Variants in SPATA13 observed in about 807,000 individuals in gnomAD.
The protein encoded by SPATA13 is spermatogenesis-associated protein 13.
SPATA13 carries 50 observed loss-of-function variants against 104.0 expected under a neutral mutation model. The observed-to-expected ratio is 0.48, with a 90% CI of 0.38 to 0.61. The LOEUF (loss-of-function observed/expected upper bound fraction) is 0.61. Ranked by LOEUF, SPATA13 falls within the 20% of genes least tolerant of loss-of-function variation. The pLI is 0.00. For synonymous variants in SPATA13, 606 were observed against 667.5 expected, an observed-to-expected ratio of 0.91 and a Z score of 1.42; for missense variants, 1,524 against 1,690.6, an observed-to-expected ratio of 0.90 and a Z score of 1.73.
chr13:24,080,876 T>C (rs2137777458), intron 3 of SPATA13, among the ~76,000 whole-genome samples: 1 of 152,346 alleles, frequency 6.6e-6, no homozygotes, highest in South Asian at 2.1e-4. Context: ...GGCAACTCTC[T>C]TGACATTTGG....
Position 24,222,920 on chromosome 13 carries a change from G to A in SPATA13, c.-10G>A. The stretch of plus-strand genomic sequence containing the variant: ...AGCTGCGGTCTGCGGACTCGGCAGT[G>A]CCCGTGGCCATGACCCAGGCTGCCG... On this transcript the variant is annotated 5_prime_UTR_variant, in exon 2 of 13. Coordinates refer to ENST00000382108, the MANE Select transcript of SPATA13 (RefSeq NM_001166271.3). The A allele has an allele frequency of 6.4e-7, 1 of 1,550,772 alleles. No individual in the cohort carries two copies. The highest frequency in any genetic ancestry group is 8.7e-7 in the Non-Finnish European group (1 of 1,146,510).
At chr13:24,024,931 T>A (rs1877139198) in intron 3 of SPATA13, among the ~76,000 whole-genome samples, 1 of 147,672 alleles carries the variant, frequency 6.8e-6, no homozygotes, top group Non-Finnish European at 1.5e-5. Context: ...AACATTCAAA[T>A]TCATATATAT....
chr13:24,000,822 C>T (rs1191674970), intron 2 of SPATA13, among the ~76,000 whole-genome samples: 3 of 151,776 alleles, frequency 2.0e-5, no homozygotes, highest in Non-Finnish European at 4.4e-5. Context: ...TCGGGAGAAC[C>T]CTGGGTGAGA....
rs563637107 is a variant in SPATA13, at chr13:24,268,726, T to G, written c.2165-15409T>G. 1.8e-4 allele frequency among the ~76,000 whole-genome samples: 28 copies of G among 152,304 alleles called. No homozygotes were observed. In the East Asian group the frequency reaches 4.0e-3, roughly 22 times the overall value. On this transcript the variant is annotated intron_variant, in intron 4 of 12. Transcript: ENST00000382108. Reference sequence around the variant, plus strand: ...GTGAGCCAAGATCGTGCCACTGCACTCCAGCCTGAGTGACAGAGCAAGACT... The same window carrying G: ...GTGAGCCAAGATCGTGCCACTGCACGCCAGCCTGAGTGACAGAGCAAGACT...
At chr13:24,135,975 TCTC>T (rs1489137082) in intron 3 of SPATA13, among the ~76,000 whole-genome samples, 3 of 152,174 alleles carry the variant, frequency 2.0e-5, no homozygotes, top group Non-Finnish European at 2.9e-5. Context: ...AATCTTTTGA[TCTC>T]CTGGAAACAA....
At chr13:24,054,517 T>G (rs1878469866) in intron 3 of SPATA13, among the ~76,000 whole-genome samples, 1 of 152,148 alleles carries the variant, frequency 6.6e-6, no homozygotes, top group South Asian at 2.1e-4. Flanking sequence ...AGCTTAGCTG[T>G]CTAATGTGCA....
chr13:24,138,020 G>A (rs995268089), intron 3 of SPATA13, among the ~76,000 whole-genome samples: 1 of 152,048 alleles, frequency 6.6e-6, no homozygotes, highest in Non-Finnish European at 1.5e-5. Flanking sequence ...GTTTTACTGG[G>A]CCAGGCGTAG....
chr13:24,179,003 A>G, intron 1 of SPATA13, among the ~76,000 whole-genome samples: 1 of 152,184 alleles, frequency 6.6e-6, no homozygotes, highest in Non-Finnish European at 1.5e-5. Flanking sequence ...TGACTATTCT[A>G]GACATTTCAA....
At chr13:24,277,178 C>A (rs550768755) in intron 4 of SPATA13, among the ~76,000 whole-genome samples, 1 of 152,036 alleles carries the variant, frequency 6.6e-6, no homozygotes, top group Admixed American at 6.5e-5. Context: ...GGCGCGGTGG[C>A]TTACGCCTGT....
intron 1 of SPATA13, among the ~76,000 whole-genome samples, chr13:24,178,795 G>A (rs1028696): frequency 0.77 from 116,999 of 152,124 alleles, 47,723 homozygotes; most frequent in East Asian, 0.92. Context: ...TAATTGATAT[G>A]TAACGCATCC....
At chr13:24,207,085 G>A (rs1178137515) in intron 1 of SPATA13, among the ~76,000 whole-genome samples, 9 of 152,160 alleles carry the variant, frequency 5.9e-5, no homozygotes, top group Non-Finnish European at 1.2e-4. Context: ...GATGGAGTTG[G>A]AAGCCATTAT....
intron 3 of SPATA13, among the ~76,000 whole-genome samples, chr13:24,148,347 CA>C (rs1419013910): frequency 6.9e-6 from 1 of 145,910 alleles, no homozygotes; most frequent in Non-Finnish European, 1.5e-5. Flanking sequence ...TCACAGAACA[CA>C]AGGCTTTTTT....
chr13:24,232,626 C>T (rs528044184), intron 2 of SPATA13, among the ~76,000 whole-genome samples: 2 of 152,342 alleles, frequency 1.3e-5, no homozygotes, highest in South Asian at 4.1e-4. Flanking sequence ...ACTGCAGCCT[C>T]AACCTCCCAA....
chr13:24,215,331 G>T (rs902388057), intron 1 of SPATA13, among the ~76,000 whole-genome samples: 5 of 152,224 alleles, frequency 3.3e-5, no homozygotes, highest in Admixed American at 1.3e-4. Flanking sequence ...AGGCATTTCA[G>T]CAACTGCTTT....
intron 1 of SPATA13, among the ~76,000 whole-genome samples, chr13:24,174,062 G>C (rs1883110474): frequency 6.6e-6 from 1 of 152,190 alleles, no homozygotes; most frequent in Non-Finnish European, 1.5e-5. Flanking sequence ...GCATTTGGTA[G>C]AATTCTCCAG....
At chr13:24,183,570 G>T (rs192647295) in intron 1 of SPATA13, among the ~76,000 whole-genome samples, 1 of 151,340 alleles carries the variant, frequency 6.6e-6, no homozygotes, top group Non-Finnish European at 1.5e-5. Context: ...ACACAAATTC[G>T]TAAACTTTCT....
rs763599007 is a variant in SPATA13 at position 24,286,380 on chromosome 13, C to A, written c.2468C>A (p.Ala823Glu). ...GAAGATAAGGAAGCCTGGTTCCCCG[C>A]GAGCTTCGTCAGAGTAAGTGTGGGG... Reference protein sequence around the residue: ...RSEDKEAWFPASFVRLRVNQE... With the variant: ...RSEDKEAWFPESFVRLRVNQE... Residue 823 changes from alanine to glutamate, a missense_variant, in exon 6 of 13, where the codon GCG (alanine) becomes GAG (glutamate). Physicochemically the swap from Ala to Glu is moderately radical, Grantham distance 107. Transcript: ENST00000382108. The surrounding 1 kb of genome is among the most constrained non-coding windows in gnomAD (Gnocchi z 4.9). The A allele has an allele frequency of 6.2e-7, 1 of 1,612,078 alleles. No homozygotes were observed. The highest frequency in any genetic ancestry group is 8.5e-7 in the Non-Finnish European group (1 of 1,179,802).
intron 3 of SPATA13, among the ~76,000 whole-genome samples, chr13:24,024,698 A>G (rs1877127892): frequency 6.6e-6 from 1 of 151,208 alleles, no homozygotes. Context: ...AATGTTATAT[A>G]TTATATATAT....
At chr13:24,299,516 G>A (rs981696089) in intron 11 of SPATA13, among the ~76,000 whole-genome samples, 22 of 152,224 alleles carry the variant, frequency 1.4e-4, no homozygotes, top group South Asian at 6.2e-4. Context: ...GGGACAGCCC[G>A]GTGGCCAGCG....
Sources: gnomAD v4.1 joint callset for allele counts (sites outside exome capture counted in the v4.1 genomes callset) on GRCh38, gnomAD v4.1.1 for gene constraint, Gnocchi (gnomAD v3.1) non-coding constraint, MANE v1.5 for transcripts, NCBI Gene and HGNC (gene_info 2026-07-23, HGNC 2026-07-21) for gene names.